Variants in NBEAL1 observed in about 807,000 individuals in gnomAD.
The protein encoded by NBEAL1 is neurobeachin like 1, also known as neurobeachin-like protein 1.
Under a neutral mutation model 351.3 loss-of-function variants are expected in NBEAL1, and 273 were observed. That is an observed-to-expected ratio of 0.78 (90% CI 0.70 to 0.86). NBEAL1 has a LOEUF of 0.86. Ranked by LOEUF, NBEAL1 falls within the 40% of genes least tolerant of loss-of-function variation. The probability of loss-of-function intolerance (pLI) is 0.00; values close to 1 mark genes in which losing one functional copy is unlikely to be tolerated. For synonymous variants in NBEAL1, 1,050 were observed against 1,086.4 expected, an observed-to-expected ratio of 0.97 and a Z score of 0.66; for missense variants, 2,961 against 3,201.3, an observed-to-expected ratio of 0.92 and a Z score of 1.81.
At chr2:203,207,563 T>C (rs2065642782) in intron 51 of NBEAL1, among the ~76,000 whole-genome samples, 3 of 152,382 alleles carry the variant, frequency 2.0e-5, no homozygotes, top group South Asian at 4.1e-4. Flanking sequence ...TTTTGTTCTG[T>C]ACTAAGAAAA....
intron 2 of NBEAL1, among the ~76,000 whole-genome samples, chr2:203,018,810 A>G (rs1306488379): frequency 6.6e-6 from 1 of 152,130 alleles, no homozygotes; most frequent in Non-Finnish European, 1.5e-5. Context: ...ATCCCAGACA[A>G]TTTATGATCT....
intron 35 of NBEAL1, among the ~76,000 whole-genome samples, chr2:203,153,104 G>T (rs2063703981): frequency 6.6e-6 from 1 of 151,994 alleles, no homozygotes; most frequent in Admixed American, 6.6e-5. Context: ...TTAGATGACA[G>T]GAGTACCAAC....
At chr2:203,044,159 T>C (rs2061189854) in intron 3 of NBEAL1, among the ~76,000 whole-genome samples, 1 of 152,160 alleles carries the variant, frequency 6.6e-6, no homozygotes, top group African/African-American at 2.4e-5. Context: ...AGTAAGGATG[T>C]GAGTGTACTA....
At chr2:203,163,859 C>G (rs1344032988) in intron 36 of NBEAL1, among the ~76,000 whole-genome samples, 1 of 152,114 alleles carries the variant, frequency 6.6e-6, no homozygotes, top group Non-Finnish European at 1.5e-5. Flanking sequence ...TTTTAATCTG[C>G]AATTCCCTTA....
chr2:203,208,745 G>A lies in NBEAL1; in HGVS notation c.7615G>A (p.Gly2539Arg). The A allele has an allele frequency of 6.3e-7, 1 of 1,586,194 alleles. No homozygotes were observed. Among genetic ancestry groups the A allele is most frequent in the Non-Finnish European group, 8.6e-7 (1 of 1,169,486 alleles). Residue 2539 changes from glycine to arginine, a missense_variant, in exon 52 of 56, where the codon GGA (glycine) becomes AGA (arginine). Gly to Arg is a moderately radical substitution (Grantham distance 125). Coordinates refer to ENST00000683969, the MANE Select transcript of NBEAL1 (RefSeq NM_001378026.1). ...ISTELDMAVSGSRDGTVIIHT... is the reference protein window; with the variant it reads ...ISTELDMAVSRSRDGTVIIHT... The stretch of plus-strand genomic sequence containing the variant: ...CACTGAGCTAGACATGGCAGTGTCA[G>A]GATCAAGGGTAAGATTTCACCTTTA...
intron 29 of NBEAL1, 71 bp from the exon 30 acceptor site, chr2:203,138,091 G>C (rs1450656165): frequency 2.7e-5 from 39 of 1,458,504 alleles, no homozygotes; most frequent in South Asian, 1.4e-4. Flanking sequence ...AAGCTATTTT[G>C]TTTTGTTTTT....
intron 6 of NBEAL1, chr2:203,061,946 T>C (rs775320255): frequency 1.1e-5 from 3 of 275,986 alleles, no homozygotes; most frequent in Non-Finnish European, 2.1e-5. Flanking sequence ...CAAACACCTG[T>C]GAGAGAATTA....
chr2:203,048,585 G>A (rs955635489), intron 3 of NBEAL1, among the ~76,000 whole-genome samples: 5 of 151,930 alleles, frequency 3.3e-5, no homozygotes, highest in African/African-American at 1.2e-4. Flanking sequence ...ATCTCCTCTC[G>A]GAACACAGAT....
At chr2:203,069,249 G>A (rs1361114202) in intron 7 of NBEAL1, among the ~76,000 whole-genome samples, 1 of 152,080 alleles carries the variant, frequency 6.6e-6, no homozygotes, top group Non-Finnish European at 1.5e-5. Flanking sequence ...TTTTCCCTGT[G>A]AAATGAAAGA....
At chr2:203,087,868 A>T (rs2061996831) in intron 10 of NBEAL1, among the ~76,000 whole-genome samples, 1 of 152,202 alleles carries the variant, frequency 6.6e-6, no homozygotes, top group South Asian at 2.1e-4. Flanking sequence ...GGTATTTGGC[A>T]CACAGTAGAA....
intron 36 of NBEAL1, among the ~76,000 whole-genome samples, chr2:203,162,996 A>G (rs2064015832): frequency 6.6e-6 from 1 of 152,122 alleles, no homozygotes; most frequent in South Asian, 2.1e-4. Flanking sequence ...GTCTCTACTA[A>G]AAATACAAAA....
chr2:203,161,994 T>G lies in NBEAL1; in HGVS notation c.5715-4155T>G, dbSNP rs923524937. Among the ~76,000 whole-genome samples, 20 of 150,936 alleles carry G rather than the reference T, an allele frequency of 1.3e-4. 1 individual carries two copies. Among genetic ancestry groups the G allele is most frequent in the African/African-American group, 4.1e-4 (17 of 41,134 alleles). On this transcript the variant is annotated intron_variant, in intron 36 of 55. Coordinates refer to ENST00000683969, the MANE Select transcript of NBEAL1 (RefSeq NM_001378026.1). Reference sequence around the variant, plus strand: ...TCTGCCCTAATGTGAGTTTTGGGGGTTTTGTTTTGTTTTGATTTGATTTGA... The same window carrying G: ...TCTGCCCTAATGTGAGTTTTGGGGGGTTTGTTTTGTTTTGATTTGATTTGA...
intron 12 of NBEAL1, 136 bp from the exon 13 acceptor site, chr2:203,107,284 A>G (rs2062459274): frequency 2.0e-6 from 1 of 488,808 alleles, no homozygotes; most frequent in African/African-American, 2.0e-5. Flanking sequence ...TAAGAAGGCA[A>G]ATAGTGAATT....
chr2:203,211,916 C>T (rs886454114), intron 54 of NBEAL1, among the ~76,000 whole-genome samples: 2 of 152,066 alleles, frequency 1.3e-5, no homozygotes, highest in African/African-American at 4.8e-5. Context: ...GAGACCTAGT[C>T]TTGCTCTGTC....
chr2:203,100,776 A>G (rs987203112), intron 12 of NBEAL1, among the ~76,000 whole-genome samples: 5 of 151,990 alleles, frequency 3.3e-5, no homozygotes, highest in African/African-American at 1.2e-4. Flanking sequence ...TTGAACTCCC[A>G]ACCGCAGGTG....
At chr2:203,018,582 G>T (rs993735459) in intron 2 of NBEAL1, among the ~76,000 whole-genome samples, 19 of 151,692 alleles carry the variant, frequency 1.3e-4, no homozygotes, top group East Asian at 5.8e-4. Context: ...AGTTTTTTTT[G>T]TTGTTGTTGT....
rs1575143697 is a variant in NBEAL1, at chr2:203,219,314, A to T, written c.*1960A>T. On this transcript the variant is annotated 3_prime_UTR_variant, in exon 56 of 56. Coordinates refer to ENST00000683969, the MANE Select transcript of NBEAL1 (RefSeq NM_001378026.1). ...ATGTAAAAATGCCTTCATTTTTAAG[A>T]TTACTTAATACTGGATTTGAAAATT... 6.6e-6 allele frequency: 1 copy of T among 152,076 alleles called. No individual in the cohort carries two copies. Among genetic ancestry groups the T allele is most frequent in the African/African-American group, 2.4e-5 (1 of 41,402 alleles). The allele number at this position is 152,076 out of a possible 1,614,324, so 9.4% of individuals were successfully genotyped here.
intron 12 of NBEAL1, among the ~76,000 whole-genome samples, chr2:203,103,597 T>C (rs2062374403): frequency 6.6e-6 from 1 of 152,138 alleles, no homozygotes; most frequent in Non-Finnish European, 1.5e-5. Flanking sequence ...TTTTGATGTC[T>C]CAATTTCCTT....
At chr2:203,170,167 T>G (rs1489285844) in intron 39 of NBEAL1, among the ~76,000 whole-genome samples, 1 of 152,080 alleles carries the variant, frequency 6.6e-6, no homozygotes, top group Non-Finnish European at 1.5e-5. Flanking sequence ...GGTTGGGAGT[T>G]CAAGACCAGC....
Sources: gnomAD v4.1 joint callset for allele counts (sites outside exome capture counted in the v4.1 genomes callset) on GRCh38, gnomAD v4.1.1 for gene constraint, MANE v1.5 for transcripts, NCBI Gene and HGNC (gene_info 2026-07-23, HGNC 2026-07-21) for gene names.